PTK7: variants seen among roughly 807,000 people sequenced by gnomAD.
The protein encoded by PTK7 is protein tyrosine kinase 7 (inactive), also known as inactive tyrosine-protein kinase 7.
PTK7 carries 39 observed loss-of-function variants against 116.6 expected under a neutral mutation model. The observed-to-expected ratio is 0.33, with a 90% confidence interval of 0.26 to 0.44. The LOEUF (loss-of-function observed/expected upper bound fraction) is 0.44. Among genes scored for constraint, PTK7 ranks in the 20% least tolerant of loss-of-function variants. The pLI, the probability that PTK7 is intolerant of heterozygous loss-of-function variation, is 1.00. For synonymous variants in PTK7, 546 were observed against 563.6 expected (o/e 0.97, Z 0.44); for missense variants, 1,169 against 1,425.6 (o/e 0.82, Z 2.90).
At chr6:43,126,046 G>A (rs1031412420) in intron 1 of PTK7, among the ~76,000 whole-genome samples, 3 of 152,116 alleles carry the variant, frequency 2.0e-5, no homozygotes, top group East Asian at 3.9e-4. Context: ...TGGGCAGGGC[G>A]CCATGGCTCA....
At chr6:43,094,155 G>T (rs1164548853) in intron 1 of PTK7, among the ~76,000 whole-genome samples, 2 of 152,100 alleles carry the variant, frequency 1.3e-5, no homozygotes, top group African/African-American at 4.8e-5. Flanking sequence ...CCATCTGCCT[G>T]GCAAAAAAGT....
At chr6:43,104,700 T>C (rs1767767647) in intron 1 of PTK7, among the ~76,000 whole-genome samples, 1 of 152,166 alleles carries the variant, frequency 6.6e-6, no homozygotes, top group Admixed American at 6.5e-5. Context: ...AGTGCTGGGA[T>C]TACAGGTGTC....
At chr6:43,086,987 TC>T (rs1354154268) in intron 1 of PTK7, among the ~76,000 whole-genome samples, 1 of 152,250 alleles carries the variant, frequency 6.6e-6, no homozygotes, top group Non-Finnish European at 1.5e-5. Flanking sequence ...AGGTGGCTGT[TC>T]CATTGGCATG....
chr6:43,105,245 T>C (rs1372996737), intron 1 of PTK7, among the ~76,000 whole-genome samples: 1 of 150,234 alleles, frequency 6.7e-6, no homozygotes, highest in Non-Finnish European at 1.5e-5. Context: ...TCAGTGTGCA[T>C]AGATGCCTGT....
At chr6:43,132,960 C>T (rs1463374464) in intron 7 of PTK7, 2 of 578,988 alleles carry the variant, frequency 3.5e-6, no homozygotes, top group African/African-American at 3.7e-5. Context: ...ATCTAGAGAC[C>T]TGGGTCCCAC....
intron 15 of PTK7, chr6:43,144,933 A>G (rs757937181): frequency 2.8e-5 from 12 of 422,318 alleles, no homozygotes; most frequent in Non-Finnish European, 4.6e-5. Flanking sequence ...GTTTTTTCCT[A>G]GCATACGTTA....
intron 1 of PTK7, among the ~76,000 whole-genome samples, chr6:43,118,574 G>A (rs1332606126): frequency 7.0e-6 from 1 of 142,516 alleles, no homozygotes; most frequent in African/African-American, 2.6e-5. Context: ...GCCTCATGTC[G>A]CTAGGGCTGT....
chr6:43,160,559 A>G (rs1771788480), intron 19 of PTK7, among the ~76,000 whole-genome samples, 162 bp from the exon 20 acceptor site: 1 of 152,304 alleles, frequency 6.6e-6, no homozygotes, highest in African/African-American at 2.4e-5. Flanking sequence ...GAGTGGGGCC[A>G]GGGGAGTCAT....
At chr6:43,078,559 T>C (rs530576401) in intron 1 of PTK7, among the ~76,000 whole-genome samples, 1 of 152,260 alleles carries the variant, frequency 6.6e-6, no homozygotes, top group East Asian at 1.9e-4. Context: ...TCACAGTAGA[T>C]GTTTGCATCT....
intron 5 of PTK7, 120 bp downstream of exon 5, chr6:43,130,781 A>G: frequency 7.4e-7 from 1 of 1,354,790 alleles, no homozygotes; most frequent in Non-Finnish European, 1.0e-6. Flanking sequence ...TCAAATTTCC[A>G]AGAGACACAG....
chr6:43,159,950 T>C lies in PTK7; in HGVS notation c.3036T>C (p.Asp1012=). ...AGATGCCCCATGGTGGGCAGGCAGA[T>C]GATGAAGTACTGGCAGGTAGGCAGC... ...HGEMPHGGQA[D]DEVLADLQAG... The change falls in exon 19 of 20, where the codon GAT becomes GAC. Residue 1012 remains aspartate, a synonymous_variant. Transcript: ENST00000230419. 6.2e-7 allele frequency: 1 copy of C among 1,613,910 alleles called. No individual in the cohort carries two copies. Among genetic ancestry groups the C allele is most frequent in the Non-Finnish European group, 8.5e-7 (1 of 1,179,864 alleles).
chr6:43,123,198 G>A (rs1416973028), intron 1 of PTK7, among the ~76,000 whole-genome samples: 3 of 151,974 alleles, frequency 2.0e-5, no homozygotes, highest in South Asian at 2.1e-4. Flanking sequence ...CTTGTGATCC[G>A]CCCGCCTTGG....
At chr6:43,105,062 C>T (rs1164315282) in intron 1 of PTK7, among the ~76,000 whole-genome samples, 2 of 151,592 alleles carry the variant, frequency 1.3e-5, no homozygotes, top group Non-Finnish European at 2.9e-5. Flanking sequence ...CCACCCGCCA[C>T]AGCCTCCCAA....
At position 43,132,171 on chromosome 6, in the gene PTK7, C is replaced by T; in HGVS notation, c.961+7C>T. On this transcript the variant is annotated splice_region_variant and intron_variant, in intron 6 of 19. Coordinates refer to ENST00000230419, the MANE Select transcript of PTK7 (RefSeq NM_002821.5). ...GCCACACTTCACCTAGCAGGTGAGT[C>T]TCTGGGTCTGGGGTGCTGATGTGGG... 1 of 1,605,726 alleles carries T rather than the reference C, an allele frequency of 6.2e-7. No individual in the cohort carries two copies.
chr6:43,146,709 G>A lies in PTK7; in HGVS notation c.2721+11G>A, dbSNP rs771697748. 1.2e-6 allele frequency: 2 copies of A among 1,610,516 alleles called. No homozygotes were observed. The highest frequency in any genetic ancestry group is 1.1e-5 in the South Asian group (1 of 91,022). ...AGCACCAAGCAGAAGGTGAGGACAG[G>A]GAGTGAAGGAGGGAGGGAGAGGGTG... On this transcript the variant is annotated intron_variant, in intron 17 of 19. Coordinates refer to ENST00000230419, the MANE Select transcript of PTK7 (RefSeq NM_002821.5).
intron 1 of PTK7, among the ~76,000 whole-genome samples, chr6:43,112,286 A>G (rs1768235853): frequency 2.0e-5 from 3 of 150,070 alleles, no homozygotes; most frequent in African/African-American, 7.4e-5. Context: ...TTATTTATTT[A>G]GAGACGTAGT....
At chr6:43,151,642 C>T (rs1209033384) in intron 17 of PTK7, among the ~76,000 whole-genome samples, 3 of 150,802 alleles carry the variant, frequency 2.0e-5, no homozygotes, top group African/African-American at 7.3e-5. Flanking sequence ...CGCCATTATC[C>T]TGCCTCAGCC....
Position 43,132,531 on chromosome 6 carries a change from C to T in PTK7, c.1072C>T (p.His358Tyr). 6.2e-7 allele frequency: 1 copy of T among 1,613,498 alleles called. No individual in the cohort carries two copies. Residue 358 changes from histidine (H) to tyrosine (Y), a missense_variant, in exon 7 of 20, where the codon CAC (histidine) becomes TAC (tyrosine). His to Tyr is a moderately conservative substitution (Grantham distance 83, BLOSUM62 2). This residue lies in a region of PTK7 where 487 missense variants were observed against 549.8 expected (regional missense o/e 0.89). Transcript: ENST00000230419. ...GLPEPSVWWE[H>Y]AGVRLPTHGR... ...GCCAGAGCCCAGCGTGTGGTGGGAG[C>T]ACGCGGGAGTCCGGCTGCCCACCCA...
chr6:43,137,676 G>A (rs1283092606), intron 7 of PTK7, among the ~76,000 whole-genome samples: 4 of 152,194 alleles, frequency 2.6e-5, no homozygotes, highest in South Asian at 2.1e-4. Context: ...TGAGGACTGC[G>A]CCTTGGCATT....
Sources: gnomAD v4.1 joint callset for allele counts (sites outside exome capture counted in the v4.1 genomes callset) on GRCh38, gnomAD v4.1.1 for gene constraint, gnomAD v4.1.1 regional missense constraint, MANE v1.5 for transcripts, NCBI Gene and HGNC (gene_info 2026-07-23, HGNC 2026-07-21) for gene names.